The following DIAPH2 variants were observed in gnomAD, a reference collection of about 807,000 sequenced individuals.
DIAPH2 encodes protein diaphanous homolog 2.
A neutral mutation model predicts 92.7 loss-of-function variants in DIAPH2; 35 were observed. That is an observed-to-expected ratio of 0.38 (90% CI 0.29 to 0.50). The LOEUF (loss-of-function observed/expected upper bound fraction) is 0.50, where lower values mean the gene tolerates loss of function less well. Among genes scored for constraint, DIAPH2 ranks in the 20% least tolerant of loss-of-function variants. The probability of loss-of-function intolerance (pLI) is 0.94; values close to 1 mark genes in which losing one functional copy is unlikely to be tolerated. For missense variants in DIAPH2, 701 were observed against 819.5 expected, an observed-to-expected ratio of 0.86 and a Z score of 1.77; for synonymous variants, 301 against 280.4, an observed-to-expected ratio of 1.07 and a Z score of -0.73.
chrX:97,328,641 T>G (rs900462324), intron 23 of DIAPH2, among the ~76,000 whole-genome samples: 1 of 111,445 alleles, frequency 9.0e-6, no homozygotes, highest in African/African-American at 3.3e-5. Flanking sequence ...ATTTTAAAGA[T>G]TATTTGCCAT....
In DIAPH2 at chrX:96,718,351, T is replaced by G. The variant is rs1185194243; in HGVS notation, c.133-17407T>G. Among the ~76,000 whole-genome samples the G allele has an allele frequency of 6.1e-3, 367 of 59,776 alleles. 3 individuals carry two copies. The highest frequency in any genetic ancestry group is 0.01 in the Non-Finnish European group (307 of 30,367). The allele number at this position is 59,776 out of a possible 115,157, so 51.9% of individuals were successfully genotyped here. On this transcript the variant is annotated intron_variant, in intron 1 of 26. Transcript: ENST00000324765. Reference sequence around the variant, plus strand: ...CATTTTCTTTGTTTTTTTTTTTTTTTTTTTTTTTTTTTTTTTTTTTTTTAT... The same window carrying G: ...CATTTTCTTTGTTTTTTTTTTTTTTGTTTTTTTTTTTTTTTTTTTTTTTAT...
At chrX:97,375,553 G>A (rs982523428) in intron 24 of DIAPH2, among the ~76,000 whole-genome samples, 5 of 112,190 alleles carry the variant, frequency 4.5e-5, no homozygotes, top group African/African-American at 1.6e-4. Context: ...GAGGAAAAGG[G>A]AAGAAGAATT....
chrX:97,302,607 G>T (rs1452965310), intron 23 of DIAPH2, among the ~76,000 whole-genome samples: 1 of 111,810 alleles, frequency 8.9e-6, no homozygotes, highest in East Asian at 2.8e-4. Context: ...CAGTGTAACT[G>T]GGTGAGAAAA....
chrX:96,687,599 C>G (rs1324176685), intron 1 of DIAPH2, among the ~76,000 whole-genome samples: 5 of 110,381 alleles, frequency 4.5e-5, no homozygotes, highest in African/African-American at 1.6e-4. Flanking sequence ...GCCACCACAC[C>G]CAGCTAATTT....
chrX:97,479,098 G>C (rs753973390), intron 26 of DIAPH2, among the ~76,000 whole-genome samples: 1 of 111,325 alleles, frequency 9.0e-6, no homozygotes, highest in African/African-American at 3.3e-5. Context: ...TTCAAAATCA[G>C]TTATACTACA....
chrX:97,239,278 T>C (rs56272410), intron 22 of DIAPH2, among the ~76,000 whole-genome samples: 9 of 111,956 alleles, frequency 8.0e-5, no homozygotes, highest in Non-Finnish European at 1.5e-4. Flanking sequence ...CTTAGGATTA[T>C]GTATTAGAGA....
intron 26 of DIAPH2, among the ~76,000 whole-genome samples, chrX:97,495,991 A>G (rs749010634): frequency 9.0e-6 from 1 of 110,739 alleles, no homozygotes; most frequent in East Asian, 2.8e-4. Context: ...CAACAAAGAT[A>G]CCTAAATGAA....
chrX:96,906,630 A>G (rs1444392944), intron 5 of DIAPH2, among the ~76,000 whole-genome samples: 3 of 112,117 alleles, frequency 2.7e-5, no homozygotes, highest in Non-Finnish European at 5.6e-5. Flanking sequence ...TAACACAACT[A>G]GAATATGTAG....
chrX:97,374,918 C>T (rs1219576749), intron 24 of DIAPH2, among the ~76,000 whole-genome samples: 2 of 111,983 alleles, frequency 1.8e-5, no homozygotes, highest in Middle Eastern at 4.6e-3. Flanking sequence ...CTCATCTTGA[C>T]TCACACTGTA....
chrX:97,062,831 G>C (rs781489721), intron 17 of DIAPH2, among the ~76,000 whole-genome samples: 1 of 108,320 alleles, frequency 9.2e-6, no homozygotes, highest in Non-Finnish European at 1.9e-5. Flanking sequence ...TCAGGAGTTC[G>C]AGACCAGCCT....
intron 26 of DIAPH2, among the ~76,000 whole-genome samples, chrX:97,514,494 C>T (rs766872549): frequency 6.2e-5 from 7 of 112,850 alleles, no homozygotes; most frequent in South Asian, 7.2e-4. Flanking sequence ...TCGTCTGAAG[C>T]CTTCTTCTCT....
intron 24 of DIAPH2, among the ~76,000 whole-genome samples, chrX:97,366,821 C>T (rs144723948): frequency 0.013 from 1,502 of 111,322 alleles, 23 homozygotes; most frequent in African/African-American, 0.047. Context: ...CTAAGTTTCA[C>T]GGGATAAAAT....
In DIAPH2 at chrX:97,364,764, T is replaced by TTTTTG. The variant is rs1236204407; in HGVS notation, c.3009+16488_3009+16489insGTTTT. ...CAGTAAAAATGTCTCCTGGTGTTTT[T>TTTTTG]TTTTTTTTTTTTTTGGATCTCCTTC... On this transcript the variant is annotated intron_variant, in intron 24 of 26. Coordinates refer to ENST00000324765, the MANE Select transcript of DIAPH2 (RefSeq NM_006729.5). 3.1e-3 allele frequency among the ~76,000 whole-genome samples: 329 copies of TTTTTG among 105,316 alleles called. 4 individuals carry two copies. The highest frequency in any genetic ancestry group is 0.011 in the African/African-American group (316 of 28,423). The allele number at this position is 105,316 out of a possible 115,157, so 91.5% of individuals were successfully genotyped here.
At chrX:97,062,934 T>C (rs1331740563) in intron 17 of DIAPH2, among the ~76,000 whole-genome samples, 4 of 104,496 alleles carry the variant, frequency 3.8e-5, no homozygotes, top group Non-Finnish European at 7.8e-5. Context: ...CTCGGGAGGC[T>C]GAGGCAGGAG....
intron 26 of DIAPH2, among the ~76,000 whole-genome samples, chrX:97,523,795 A>T (rs2071006603): frequency 8.9e-6 from 1 of 112,048 alleles, no homozygotes; most frequent in East Asian, 2.8e-4. Context: ...TAAGCTACTT[A>T]AAACTGTTGT....
intron 26 of DIAPH2, among the ~76,000 whole-genome samples, chrX:97,579,755 G>C (rs2071425245): frequency 9.1e-6 from 1 of 110,109 alleles, no homozygotes; most frequent in South Asian, 3.9e-4. Flanking sequence ...AAATTACCTT[G>C]GGCAGTATGG....
At chrX:97,006,231 G>C (rs192893830) in intron 17 of DIAPH2, among the ~76,000 whole-genome samples, 10 of 111,782 alleles carry the variant, frequency 8.9e-5, no homozygotes, top group African/African-American at 3.2e-4. Context: ...TCCATATGCT[G>C]AGGAAGAAAA....
intron 26 of DIAPH2, among the ~76,000 whole-genome samples, chrX:97,461,090 TAAG>T (rs1326365109): frequency 9.0e-6 from 1 of 111,325 alleles, no homozygotes; most frequent in African/African-American, 3.3e-5. Context: ...TGGCAAGAGT[TAAG>T]AAAGTAATGG....
intron 23 of DIAPH2, among the ~76,000 whole-genome samples, chrX:97,292,399 A>G (rs989388398): frequency 9.0e-6 from 1 of 111,623 alleles, no homozygotes; most frequent in Non-Finnish European, 1.9e-5. Flanking sequence ...CTCTCATTAC[A>G]GAGATCCACA....
Sources: gnomAD v4.1 joint callset for allele counts (sites outside exome capture counted in the v4.1 genomes callset) on GRCh38, gnomAD v4.1.1 for gene constraint, MANE v1.5 for transcripts, NCBI Gene and HGNC (gene_info 2026-07-23, HGNC 2026-07-21) for gene names.